Variants in PICALM observed in about 807,000 individuals in gnomAD.
The protein encoded by PICALM is phosphatidylinositol-binding clathrin assembly protein.
In PICALM, 40 loss-of-function variants were observed where a neutral mutation model predicts 80.5. The observed-to-expected ratio is 0.50, with a 90% CI of 0.39 to 0.65. PICALM has a LOEUF of 0.65. PICALM is among the 30% of genes least tolerant of loss of function. PICALM has a pLI of 0.00. For synonymous variants in PICALM, 288 were observed against 260.3 expected (o/e 1.11, Z -1.02); for missense variants, 676 against 778.9 (o/e 0.87, Z 1.57).
At chr11:86,067,538 G>C (rs1394887220) in intron 1 of PICALM, among the ~76,000 whole-genome samples, 1 of 152,198 alleles carries the variant, frequency 6.6e-6, no homozygotes, top group African/African-American at 2.4e-5. Context: ...TTGTATCTAC[G>C]TTAGCGAATG....
intron 8 of PICALM, among the ~76,000 whole-genome samples, chr11:86,006,346 C>T (rs1002296643): frequency 3.3e-5 from 5 of 152,068 alleles, no homozygotes; most frequent in African/African-American, 1.2e-4. Context: ...GTTAACAAGG[C>T]GTTTAAAAGA....
At chr11:86,059,493 G>A (rs771478269) in intron 1 of PICALM, among the ~76,000 whole-genome samples, 1 of 152,182 alleles carries the variant, frequency 6.6e-6, no homozygotes, top group Non-Finnish European at 1.5e-5. Flanking sequence ...ATATTAATGG[G>A]AGCAAGGTAA....
chr11:85,981,622 A>T, intron 16 of PICALM, 123 bp downstream of exon 16: 1 of 702,236 alleles, frequency 1.4e-6, no homozygotes. Flanking sequence ...AAAAAAAAAA[A>T]GATGCAGACT....
intron 1 of PICALM, among the ~76,000 whole-genome samples, chr11:86,037,044 C>G (rs2095853696): frequency 6.6e-6 from 1 of 151,448 alleles, no homozygotes; most frequent in South Asian, 2.1e-4. Flanking sequence ...CTCCCAGGTT[C>G]AAGCGATTCT....
At chr11:86,024,756 C>T (rs1456075240) in intron 3 of PICALM, among the ~76,000 whole-genome samples, 4 of 152,170 alleles carry the variant, frequency 2.6e-5, no homozygotes, top group Non-Finnish European at 5.9e-5. Context: ...CATTCATTTG[C>T]TCTGTAAATC....
At chr11:86,058,726 TAA>T (rs1053722270) in intron 1 of PICALM, among the ~76,000 whole-genome samples, 1 of 152,202 alleles carries the variant, frequency 6.6e-6, no homozygotes, top group African/African-American at 2.4e-5. Flanking sequence ...TATCATCTGT[TAA>T]GTGTGCTTTA....
chr11:86,035,707 C>A (rs1323117660), intron 1 of PICALM, among the ~76,000 whole-genome samples: 4 of 151,778 alleles, frequency 2.6e-5, no homozygotes, highest in African/African-American at 9.7e-5. Flanking sequence ...CTTTCGGAGG[C>A]CGAGGCGGGC....
chr11:86,053,066 C>T (rs1376397744), intron 1 of PICALM, among the ~76,000 whole-genome samples: 1 of 152,220 alleles, frequency 6.6e-6, no homozygotes, highest in Non-Finnish European at 1.5e-5. Context: ...ACTTATCTCA[C>T]ATTGTCTGGC....
intron 1 of PICALM, among the ~76,000 whole-genome samples, chr11:86,058,933 G>C (rs1416203843): frequency 6.6e-6 from 1 of 152,160 alleles, no homozygotes; most frequent in Non-Finnish European, 1.5e-5. Context: ...CCTCAAAAAT[G>C]TGCATTTTAA....
intron 1 of PICALM, among the ~76,000 whole-genome samples, chr11:86,068,293 C>G (rs957014202): frequency 2.0e-5 from 3 of 151,982 alleles, no homozygotes; most frequent in Non-Finnish European, 4.4e-5. Flanking sequence ...CGGCACCGGA[C>G]GGGTGGGAAG....
At chr11:86,033,603 T>C (rs1399057035) in intron 1 of PICALM, among the ~76,000 whole-genome samples, 1 of 152,184 alleles carries the variant, frequency 6.6e-6, no homozygotes, top group Admixed American at 6.5e-5. Context: ...TTCCCCTACC[T>C]CTAAACCCTC....
intron 4 of PICALM, among the ~76,000 whole-genome samples, chr11:86,018,292 T>G (rs2095511418): frequency 6.6e-6 from 1 of 152,210 alleles, no homozygotes; most frequent in South Asian, 2.1e-4. Flanking sequence ...TCACCATTTA[T>G]TCAATCAACT....
intron 19 of PICALM, chr11:85,960,826 T>C (rs1232976932): frequency 1.2e-6 from 1 of 845,636 alleles, no homozygotes; most frequent in South Asian, 1.7e-5. Flanking sequence ...GATCTCAGAA[T>C]GACAGAACAT....
chr11:86,017,792 G>T (rs1316259470), intron 4 of PICALM, among the ~76,000 whole-genome samples: 1 of 152,114 alleles, frequency 6.6e-6, no homozygotes, highest in Non-Finnish European at 1.5e-5. Flanking sequence ...TGATAGATAC[G>T]TAATAAAATA....
chr11:85,980,474 C>T (rs1450171065), intron 17 of PICALM, among the ~76,000 whole-genome samples: 1 of 152,152 alleles, frequency 6.6e-6, no homozygotes, highest in Non-Finnish European at 1.5e-5. Flanking sequence ...TTTCCCCCAG[C>T]AAGGGTTCAG....
chr11:86,035,952 A>G (rs1565496568), intron 1 of PICALM, among the ~76,000 whole-genome samples: 1 of 150,378 alleles, frequency 6.6e-6, no homozygotes, highest in Non-Finnish European at 1.5e-5. Flanking sequence ...TGCCTCAAAA[A>G]AAAAAAAAAA....
chr11:85,987,631 A>C (rs1293162545), intron 13 of PICALM, among the ~76,000 whole-genome samples: 1 of 152,230 alleles, frequency 6.6e-6, no homozygotes, highest in Non-Finnish European at 1.5e-5. Flanking sequence ...ATATACAAGA[A>C]TTTTAAATTC....
intron 1 of PICALM, among the ~76,000 whole-genome samples, chr11:86,056,964 A>G (rs1358047361): frequency 6.6e-6 from 1 of 152,200 alleles, no homozygotes; most frequent in Non-Finnish European, 1.5e-5. Flanking sequence ...ACAGAACAGA[A>G]AAATTCATAG....
At chr11:86,018,162 A>C (rs1462190886) in intron 4 of PICALM, among the ~76,000 whole-genome samples, 1 of 152,228 alleles carries the variant, frequency 6.6e-6, no homozygotes, top group African/African-American at 2.4e-5. Flanking sequence ...GTGAGTTCTT[A>C]CCACTATTAA....
Sources: gnomAD v4.1 joint callset for allele counts (sites outside exome capture counted in the v4.1 genomes callset) on GRCh38, gnomAD v4.1.1 for gene constraint, MANE v1.5 for transcripts, NCBI Gene and HGNC (gene_info 2026-07-23, HGNC 2026-07-21) for gene names.